Variants in ARSG observed in about 807,000 individuals in gnomAD.
ARSG encodes arylsulfatase G.
ARSG carries 37 observed loss-of-function variants against 50.5 expected under a neutral mutation model. The observed-to-expected ratio is 0.73, with a 90% CI of 0.56 to 0.96. ARSG has a LOEUF of 0.96. ARSG is among the 50% of genes least tolerant of loss of function. The probability of loss-of-function intolerance (pLI) is 0.00; values close to 1 mark genes in which losing one functional copy is unlikely to be tolerated. For synonymous variants in ARSG, 225 were observed against 254.6 expected (o/e 0.88, Z 1.11); for missense variants, 629 against 675.3 (o/e 0.93, Z 0.76).
At chr17:68,299,498 AT>A (rs2076334871) in intron 1 of ARSG, among the ~76,000 whole-genome samples, 1 of 152,166 alleles carries the variant, frequency 6.6e-6, no homozygotes, top group East Asian at 1.9e-4. Context: ...CAAAAAAAAA[AT>A]CGAACCTGGA....
At chr17:68,311,901 A>C (rs547429251) in intron 2 of ARSG, among the ~76,000 whole-genome samples, 46 of 151,490 alleles carry the variant, frequency 3.0e-4, no homozygotes, top group African/African-American at 9.7e-4. Context: ...CCCAGGTTCA[A>C]GCGATTCTCC....
At position 68,355,019 on chromosome 17, in the gene ARSG, G is replaced by C. The variant is rs58679674; in HGVS notation, c.567-1648G>C. Among the ~76,000 whole-genome samples, 23 of 152,288 alleles carry C rather than the reference G, an allele frequency of 1.5e-4. No individual in the cohort carries two copies. In the East Asian group the frequency reaches 4.2e-3, roughly 28 times the overall value. ...TCCTTCCCAGCACTATTAGGATGAC[G>C]TATTTGCCTGAGAGAACTCCATTCA... is the stretch of plus-strand genomic sequence containing the variant. On this transcript the variant is annotated intron_variant, in intron 5 of 11. Transcript: ENST00000621439.
At chr17:68,263,752 G>T (rs1377812322) in intron 1 of ARSG, among the ~76,000 whole-genome samples, 1 of 152,112 alleles carries the variant, frequency 6.6e-6, no homozygotes, top group Non-Finnish European at 1.5e-5. Flanking sequence ...ACCTGGCCAC[G>T]GTTTAAAGAA....
chr17:68,285,369 C>G (rs1433424308), intron 1 of ARSG, among the ~76,000 whole-genome samples: 2 of 152,170 alleles, frequency 1.3e-5, no homozygotes, highest in Non-Finnish European at 2.9e-5. Context: ...CTCACTGCAG[C>G]CTCAAAACTC....
chr17:68,364,603 A>G (rs2079455077), intron 6 of ARSG, among the ~76,000 whole-genome samples: 1 of 152,110 alleles, frequency 6.6e-6, no homozygotes, highest in South Asian at 2.1e-4. Flanking sequence ...CAGGTGATCC[A>G]CCCACCTCGG....
intron 2 of ARSG, among the ~76,000 whole-genome samples, chr17:68,328,324 G>T (rs1295601461): frequency 1.3e-5 from 2 of 152,054 alleles, no homozygotes; most frequent in African/African-American, 2.4e-5. Context: ...TCACCTTATG[G>T]AATTCTTCAA....
At chr17:68,370,769 C>T (rs888708440) in intron 8 of ARSG, among the ~76,000 whole-genome samples, 8 of 152,154 alleles carry the variant, frequency 5.3e-5, no homozygotes, top group Admixed American at 5.2e-4. Flanking sequence ...TTCCCAAAGG[C>T]GACCAGCCCT....
the ARSG span, among the ~76,000 whole-genome samples, chr17:68,432,717 C>T: frequency 2.6e-5 from 4 of 152,164 alleles, no homozygotes; most frequent in East Asian, 7.7e-4. Flanking sequence ...AACCAACTCC[C>T]CAGATACAGT....
At chr17:68,422,041 C>G, downstream of ARSG, 1 of 587,888 alleles carries the variant, frequency 1.7e-6, no homozygotes, top group South Asian at 2.0e-5. Context: ...ATAAAAATGT[C>G]TCTGTGTGTG....
At chr17:68,338,655 C>CT (rs1018426706) in intron 2 of ARSG, among the ~76,000 whole-genome samples, 5 of 152,182 alleles carry the variant, frequency 3.3e-5, no homozygotes, top group Non-Finnish European at 5.9e-5. Flanking sequence ...TAACCTCCCC[C>CT]TGCCTCAGTT....
At chr17:68,337,194 C>A (rs2078061223) in intron 2 of ARSG, among the ~76,000 whole-genome samples, 1 of 152,138 alleles carries the variant, frequency 6.6e-6, no homozygotes, top group African/African-American at 2.4e-5. Context: ...ACACTGAGGG[C>A]AGCCCTGGAT....
At chr17:68,273,490 G>A (rs994109767) in intron 1 of ARSG, among the ~76,000 whole-genome samples, 1 of 152,076 alleles carries the variant, frequency 6.6e-6, no homozygotes, top group Non-Finnish European at 1.5e-5. Flanking sequence ...CGAAGTGCTG[G>A]GATTACAGGC....
chr17:68,391,589 C>T (rs1000551960), intron 9 of ARSG, among the ~76,000 whole-genome samples: 1 of 152,168 alleles, frequency 6.6e-6, no homozygotes, highest in African/African-American at 2.4e-5. Flanking sequence ...TCCTGTTTCT[C>T]TTGCTGACTG....
chr17:68,358,799 C>T (rs1023446573), intron 6 of ARSG, among the ~76,000 whole-genome samples: 1 of 151,862 alleles, frequency 6.6e-6, no homozygotes, highest in African/African-American at 2.4e-5. Flanking sequence ...TCCAGGAGTT[C>T]AAGGCTGCAG....
chr17:68,293,179 C>A (rs2076079920), intron 1 of ARSG, among the ~76,000 whole-genome samples: 1 of 152,186 alleles, frequency 6.6e-6, no homozygotes, highest in Non-Finnish European at 1.5e-5. Context: ...CATGCTAATG[C>A]AGGGCTGCCT....
intron 2 of ARSG, among the ~76,000 whole-genome samples, chr17:68,315,509 G>A (rs1212285760): frequency 3.3e-5 from 5 of 151,886 alleles, no homozygotes; most frequent in Admixed American, 3.3e-4. Flanking sequence ...CCTGGGTGAT[G>A]GAGTGAAATC....
At chr17:68,430,395 C>T in the ARSG span, among the ~76,000 whole-genome samples, 3 of 152,164 alleles carry the variant, frequency 2.0e-5, no homozygotes, top group Non-Finnish European at 4.4e-5. Context: ...TTAAAAGGTT[C>T]CCAATGCTAC....
chr17:68,420,111 A>G (rs2082674703), intron 11 of ARSG, 78 bp from the exon 12 acceptor site: 1 of 1,507,128 alleles, frequency 6.6e-7, no homozygotes, highest in Non-Finnish European at 9.0e-7. Context: ...TTAATGTAGA[A>G]TCACTCGCAG....
chr17:68,426,580 T>C (rs2083210111), downstream of ARSG, among the ~76,000 whole-genome samples: 1 of 152,240 alleles, frequency 6.6e-6, no homozygotes, highest in Non-Finnish European at 1.5e-5. Context: ...TCACCCAGGC[T>C]GGAGTGCAGT....
Sources: allele counts gnomAD v4.1 joint callset (sites outside exome capture counted in the v4.1 genomes callset), GRCh38; gene constraint gnomAD v4.1.1; transcripts MANE v1.5; gene names NCBI Gene and HGNC (gene_info 2026-07-23, HGNC 2026-07-21).